PCBP2: variants seen among roughly 807,000 people sequenced by gnomAD.
PCBP2 encodes poly(rC) binding protein 2.
A neutral mutation model predicts 50.1 loss-of-function variants in PCBP2; 4 were observed. The ratio of observed to expected loss-of-function variants is 0.08; its 90% CI spans 0.04 to 0.18. The LOEUF is 0.18. PCBP2 is among the 10% of genes least tolerant of loss of function. The pLI, the probability that PCBP2 is intolerant of heterozygous loss-of-function variation, is 1.00. For synonymous variants in PCBP2, 179 were observed against 168.0 expected (o/e 1.07, Z -0.51); for missense variants, 161 against 474.3 (o/e 0.34, Z 6.14).
chr12:53,474,208 T>C (rs944316450), intron 14 of PCBP2, among the ~76,000 whole-genome samples: 5 of 152,226 alleles, frequency 3.3e-5, no homozygotes, highest in African/African-American at 9.6e-5. Context: ...GAAACAACTT[T>C]TTATACCACC....
rs983219062 is a variant in PCBP2, at chr12:53,456,017, C to T, written c.243+16C>T. On this transcript the variant is annotated intron_variant, in intron 5 of 14. Coordinates refer to ENST00000546463, the MANE Select transcript of PCBP2 (RefSeq NM_031989.5). ...ACTGGAAGAGGTTTGTTGTCTCCCA[C>T]TCCCTCATTCTTCATTTTTAAGTGC... is the stretch of plus-strand genomic sequence containing the variant. 6.5e-6 allele frequency: 9 copies of T among 1,392,468 alleles called. No individual in the cohort carries two copies. The highest frequency in any genetic ancestry group is 9.2e-6 in the Non-Finnish European group (9 of 979,090). The allele number at this position is 1,392,468 out of a possible 1,614,324, so 86.3% of individuals were successfully genotyped here.
intron 14 of PCBP2, among the ~76,000 whole-genome samples, chr12:53,478,801 G>A (rs1039537120): frequency 1.3e-5 from 2 of 149,014 alleles, no homozygotes; most frequent in African/African-American, 4.9e-5. Context: ...GCTAGACTCT[G>A]TCTCAATAAA....
intron 8 of PCBP2, chr12:53,464,473 G>A (rs1176283137): frequency 2.2e-5 from 8 of 358,154 alleles, no homozygotes; most frequent in Admixed American, 5.3e-5. Context: ...GGCAAAGTGG[G>A]CTCTGTAGGG....
At chr12:53,469,760 C>CT (rs71444805) in intron 13 of PCBP2, among the ~76,000 whole-genome samples, 16,217 of 114,100 alleles carry the variant, frequency 0.14, 1,930 homozygotes, top group African/African-American at 0.24. Context: ...ACATTTGCTG[C>CT]TTTTTTTTTT....
rs2137102379 is a variant in PCBP2, at chr12:53,471,818, T to C, written c.1052+11T>C. 6.2e-7 allele frequency: 1 copy of C among 1,608,660 alleles called. No homozygotes were observed. The highest frequency in any genetic ancestry group is 8.5e-7 in the Non-Finnish European group (1 of 1,177,432). The stretch of plus-strand genomic sequence containing the variant: ...TCTAATCAATGTCAGGTAAGATTGC[T>C]CTACCTTTTGTCTTATTTATGCCAA... On this transcript the variant is annotated intron_variant, in intron 14 of 14. Coordinates refer to ENST00000546463, the MANE Select transcript of PCBP2 (RefSeq NM_031989.5).
chr12:53,469,151 C>T (rs1316792426), intron 13 of PCBP2, among the ~76,000 whole-genome samples: 1 of 152,042 alleles, frequency 6.6e-6, no homozygotes, highest in African/African-American at 2.4e-5. Flanking sequence ...ATCCACTCAC[C>T]TTGGCCTCCC....
intron 14 of PCBP2, among the ~76,000 whole-genome samples, chr12:53,478,040 C>T (rs960806192): frequency 6.6e-6 from 1 of 152,174 alleles, no homozygotes; most frequent in African/African-American, 2.4e-5. Flanking sequence ...TCCCTGAAAG[C>T]CCTAAATTGG....
chr12:53,454,938 A>G, intron 2 of PCBP2, 69 bp downstream of exon 2: 1 of 1,267,552 alleles, frequency 7.9e-7, no homozygotes, highest in Non-Finnish European at 1.2e-6. Context: ...GCAGACATGC[A>G]TCTTGGAGCT....
intron 5 of PCBP2, 119 bp downstream of exon 5, chr12:53,456,120 GTCCTTAGCT>G (rs1234717272): frequency 2.9e-6 from 2 of 689,380 alleles, no homozygotes; most frequent in Non-Finnish European, 5.1e-6. Flanking sequence ...CTGTAAATGG[GTCCTTAGCT>G]TCCTGTAGCC....
chr12:53,464,927 C>T, intron 9 of PCBP2, 75 bp downstream of exon 9: 1 of 1,472,506 alleles, frequency 6.8e-7, no homozygotes. Flanking sequence ...ACACGGGGGG[C>T]CAGTGGCGCT....
chr12:53,470,681 T>C (rs1942165258), intron 13 of PCBP2, among the ~76,000 whole-genome samples: 1 of 151,530 alleles, frequency 6.6e-6, no homozygotes, highest in Non-Finnish European at 1.5e-5. Context: ...CCCACCATAG[T>C]GTAGTGGTTC....
At chr12:53,478,811 A>C (rs1252943450) in intron 14 of PCBP2, among the ~76,000 whole-genome samples, 1 of 152,124 alleles carries the variant, frequency 6.6e-6, no homozygotes, top group Non-Finnish European at 1.5e-5. Context: ...GTCTCAATAA[A>C]TAAGTAAATC....
intron 2 of PCBP2, 125 bp downstream of exon 2, chr12:53,454,994 A>G (rs1940881716): frequency 3.7e-6 from 3 of 808,146 alleles, no homozygotes; most frequent in South Asian, 3.0e-5. Context: ...ACATTTCCCT[A>G]ATGGAGTAGA....
intron 13 of PCBP2, among the ~76,000 whole-genome samples, chr12:53,470,186 T>C (rs1351542937): frequency 2.6e-5 from 4 of 151,720 alleles, no homozygotes; most frequent in Non-Finnish European, 5.9e-5. Context: ...GAGACCAGCC[T>C]GACCATAGTG....
intron 11 of PCBP2, 196 bp downstream of exon 11, chr12:53,467,489 C>G (rs1331270077): frequency 3.1e-6 from 2 of 641,804 alleles, no homozygotes; most frequent in African/African-American, 3.7e-5. Context: ...GTCAGTTATT[C>G]TAAAAGAAAA....
At chr12:53,477,665 C>CAAAAAAAAA (rs61213286) in intron 14 of PCBP2, among the ~76,000 whole-genome samples, 40 of 52,890 alleles carry the variant, frequency 7.6e-4, no homozygotes, top group African/African-American at 2.9e-3. Context: ...GACTCTGTCT[C>CAAAAAAAAA]AAAAAAAAAA....
intron 6 of PCBP2, 39 bp downstream of exon 6, chr12:53,459,442 T>C: frequency 6.3e-7 from 1 of 1,580,606 alleles, no homozygotes; most frequent in East Asian, 2.3e-5. Context: ...ATGTTAACTA[T>C]TTGTTCCAAA....
intron 1 of PCBP2, among the ~76,000 whole-genome samples, chr12:53,453,943 T>G (rs768664368): frequency 6.6e-6 from 1 of 152,354 alleles, no homozygotes. Flanking sequence ...TTATTTTGAT[T>G]GTTTTCTTTG....
rs530254155 is a variant in PCBP2 at position 53,459,190 on chromosome 12, C to T, written c.244-82C>T. The T allele has an allele frequency of 1.1e-4, 141 of 1,270,758 alleles. 2 individuals are homozygous for T. In the South Asian group the frequency reaches 2.4e-3, roughly 22 times the overall value. The allele number at this position is 1,270,758 out of a possible 1,614,324, so 78.7% of individuals were successfully genotyped here. ...TCGCATGTCCTAATAAGATCACTTA[C>T]CCTAATAAGGGTAAGTGGTTCTTTA... On this transcript the variant is annotated intron_variant, in intron 5 of 14. Transcript: ENST00000546463.
Sources: gnomAD v4.1 joint callset for allele counts (sites outside exome capture counted in the v4.1 genomes callset) on GRCh38, gnomAD v4.1.1 for gene constraint, MANE v1.5 for transcripts, NCBI Gene and HGNC (gene_info 2026-07-23, HGNC 2026-07-21) for gene names.